The following STK25 variants were observed in gnomAD, a reference collection of about 807,000 sequenced individuals.
STK25 encodes serine/threonine kinase 25, also known as serine/threonine-protein kinase 25.
Under a neutral mutation model 53.8 loss-of-function variants are expected in STK25, and 29 were observed. The ratio of observed to expected loss-of-function variants is 0.54; its 90% CI spans 0.40 to 0.74. The LOEUF is 0.74. STK25 is among the 30% of genes least tolerant of loss of function. The pLI, the probability that STK25 is intolerant of heterozygous loss-of-function variation, is 0.00. For missense variants in STK25, 420 were observed against 568.0 expected (o/e 0.74, Z 2.65); for synonymous variants, 247 against 238.3 (o/e 1.04, Z -0.33).
Position 241,493,223 on chromosome 2 carries a change from G to A in STK25, c.*2439C>T. On this transcript the variant is annotated 3_prime_UTR_variant, in exon 12 of 12. Transcript: ENST00000316586. ...ATTTGTACGTGCCACCGTTGTGCAG[G>A]TAGCAGAGGAATGGGCATTCCCTGT... 3 of 1,534,174 alleles carry A rather than the reference G, an allele frequency of 2.0e-6. No individual in the cohort carries two copies. Among genetic ancestry groups the A allele is most frequent in the South Asian group, 1.1e-5 (1 of 87,430 alleles).
In STK25 at chr2:241,501,365, G is replaced by A; in HGVS notation, c.261+113C>T. 9.2e-7 allele frequency: 1 copy of A among 1,082,090 alleles called. No individual in the cohort carries two copies. The highest frequency in any genetic ancestry group is 1.4e-6 in the Non-Finnish European group (1 of 723,506). The allele number at this position is 1,082,090 out of a possible 1,614,324, so 67.0% of individuals were successfully genotyped here. Reference sequence around the variant, plus strand: ...CCCAGGGCAGTTTCCCGGAGGGCATGCACTGAACCGTCAAGACCGCCTTGC... The same window carrying A: ...CCCAGGGCAGTTTCCCGGAGGGCATACACTGAACCGTCAAGACCGCCTTGC... On this transcript the variant is annotated intron_variant, in intron 3 of 11. Transcript: ENST00000316586. The surrounding 1 kb of genome is among the most constrained non-coding windows in gnomAD (Gnocchi z 5.3).
intron 2 of STK25, among the ~76,000 whole-genome samples, chr2:241,502,804 C>CGTT (rs1429818109): frequency 2.0e-5 from 3 of 151,950 alleles, no homozygotes; most frequent in African/African-American, 7.2e-5. Context: ...ATGTGTTAAC[C>CGTT]AAGTTCTCCT....
At chr2:241,508,740 C>G (rs1574975349), upstream of STK25, 2 of 985,396 alleles carry the variant, frequency 2.0e-6, no homozygotes, top group Non-Finnish European at 2.4e-6. Flanking sequence ...CTCGCATGCG[C>G]GCCGCGAGGC....
Position 241,508,111 on chromosome 2 carries a change from A to C in STK25, c.-76T>G. 1 of 1,541,586 alleles carries C rather than the reference A, an allele frequency of 6.5e-7. No individual in the cohort carries two copies. Among genetic ancestry groups the C allele is most frequent in the Non-Finnish European group, 8.7e-7 (1 of 1,144,746 alleles). On this transcript the variant is annotated 5_prime_UTR_variant, in exon 2 of 12. Transcript: ENST00000316586. ...CCCGCGGAGAGGCGCGGAGCCGGCT[A>C]GCTCGCCCCTGCGGCGTCAGTCCAC...
Position 241,493,153 on chromosome 2 carries a change from C to A in STK25, c.*2509G>T, listed in dbSNP as rs954377435. 2 of 1,170,418 alleles carry A rather than the reference C, an allele frequency of 1.7e-6. No homozygotes were observed. Among genetic ancestry groups the A allele is most frequent in the African/African-American group, 1.5e-5 (1 of 66,138 alleles). The allele number at this position is 1,170,418 out of a possible 1,614,324, so 72.5% of individuals were successfully genotyped here. A position where few individuals can be genotyped will look rare whatever the true frequency, so the allele number is the denominator to read the frequency against. Reference sequence around the variant, plus strand: ...GCCCTCCCATGCTTTGCCCACACACCCTGTGCTGTGTGAACAGGGAAACTG... The same window carrying A: ...GCCCTCCCATGCTTTGCCCACACACACTGTGCTGTGTGAACAGGGAAACTG... On this transcript the variant is annotated 3_prime_UTR_variant, in exon 12 of 12. Transcript: ENST00000316586.
At chr2:241,505,552 T>C (rs2065773718) in intron 2 of STK25, among the ~76,000 whole-genome samples, 1 of 152,208 alleles carries the variant, frequency 6.6e-6, no homozygotes, top group African/African-American at 2.4e-5. Context: ...CTCTACTCCC[T>C]GCTCCCTGCT....
At chr2:241,505,278 C>G (rs1574963652) in intron 2 of STK25, among the ~76,000 whole-genome samples, 1 of 152,206 alleles carries the variant, frequency 6.6e-6, no homozygotes, top group East Asian at 1.9e-4. Flanking sequence ...CCCTGGGACG[C>G]TGCTCCACCG....
chr2:241,505,822 A>C (rs1691810305), intron 2 of STK25, among the ~76,000 whole-genome samples: 1 of 152,050 alleles, frequency 6.6e-6, no homozygotes, highest in South Asian at 2.1e-4. Flanking sequence ...CCTGGAGAAG[A>C]AAGGGTAAGT....
chr2:241,494,135 T>C lies in STK25; in HGVS notation c.*1527A>G. On this transcript the variant is annotated 3_prime_UTR_variant, in exon 12 of 12. Transcript: ENST00000316586. This position sits in a 1 kb window ranked among gnomAD's most constrained non-coding sequence, Gnocchi z 4.9. The stretch of plus-strand genomic sequence containing the variant: ...GGGGAAGGAGGAATGACGCTCAACC[T>C]GCCCAGGTTTGGACACAACTACAAA... The C allele has an allele frequency of 6.9e-7, 1 of 1,449,942 alleles. No homozygotes were observed. The highest frequency in any genetic ancestry group is 9.1e-7 in the Non-Finnish European group (1 of 1,095,968). The allele number at this position is 1,449,942 out of a possible 1,614,324, so 89.8% of individuals were successfully genotyped here.
rs1438352678 is a variant in STK25, at chr2:241,501,714, G to C, written c.31-6C>G. 4.4e-6 allele frequency: 7 copies of C among 1,608,896 alleles called. No homozygotes were observed. The highest frequency in any genetic ancestry group is 2.2e-5 in the South Asian group (2 of 90,998). ...TCAGGGTCCACTCGAGAGTGCTGTG[G>C]GGCCAGGGCGGGGACAGAGGGCAGA... On this transcript the variant is annotated splice_polypyrimidine_tract_variant and splice_region_variant and intron_variant, in intron 2 of 11. Coordinates refer to ENST00000316586, the MANE Select transcript of STK25 (RefSeq NM_001271977.2). The surrounding 1 kb of genome is among the most constrained non-coding windows in gnomAD (Gnocchi z 5.3).
chr2:241,504,100 G>C (rs888805407), intron 2 of STK25: 4 of 471,042 alleles, frequency 8.5e-6, no homozygotes, highest in Non-Finnish European at 1.8e-5. Context: ...TGGAACTCTG[G>C]GGAAGGAAAG....
In STK25 at chr2:241,495,332, C is replaced by T. The variant is rs544691818; in HGVS notation, c.*330G>A. 3.1e-5 allele frequency: 9 copies of T among 295,066 alleles called. No individual in the cohort carries two copies. The highest frequency in any genetic ancestry group is 1.1e-4 in the South Asian group (2 of 18,580). 18.3% of individuals were successfully genotyped at this position (295,066 alleles called of 1,614,324 possible). On this transcript the variant is annotated 3_prime_UTR_variant, in exon 12 of 12. Coordinates refer to ENST00000316586, the MANE Select transcript of STK25 (RefSeq NM_001271977.2). ...TAGTTGCTCTGCGCCTTGGTCTGAG[C>T]GGCCATAGGGCTGCATGAGTCTGCA...
chr2:241,493,249 G>A lies in STK25; in HGVS notation c.*2413C>T, dbSNP rs771864132. On this transcript the variant is annotated 3_prime_UTR_variant, in exon 12 of 12. Coordinates refer to ENST00000316586, the MANE Select transcript of STK25 (RefSeq NM_001271977.2). Reference sequence around the variant, plus strand: ...TAGCAGAGGAATGGGCATTCCCTGTGGCAACCCAGCCCCTGGAACCCGTGT... The same window carrying A: ...TAGCAGAGGAATGGGCATTCCCTGTAGCAACCCAGCCCCTGGAACCCGTGT... 4.4e-6 allele frequency: 7 copies of A among 1,602,462 alleles called. No individual in the cohort carries two copies. Among genetic ancestry groups the A allele is most frequent in the Non-Finnish European group, 6.0e-6 (7 of 1,172,164 alleles).
chr2:241,494,652 A>ACAAGT lies in STK25; in HGVS notation c.*1005_*1009dup, dbSNP rs1464194746. 3 of 152,128 alleles carry ACAAGT rather than the reference A, an allele frequency of 2.0e-5. No homozygotes were observed. Among genetic ancestry groups the ACAAGT allele is most frequent in the Non-Finnish European group, 4.4e-5 (3 of 68,040 alleles). The allele number at this position is 152,128 out of a possible 1,614,324, so 9.4% of individuals were successfully genotyped here. ...GGCCTGCCCTGCAGGTCACAGCTAA[A>ACAAGT]CAAGTCTGGCAGAAGCCACGCTTGT... On this transcript the variant is annotated 3_prime_UTR_variant, in exon 12 of 12. Transcript: ENST00000316586. The surrounding 1 kb of genome is among the most constrained non-coding windows in gnomAD (Gnocchi z 4.9).
chr2:241,495,510 G>C lies in STK25; in HGVS notation c.*152C>G. ...CACTGCAGGGGTGGAAGGAGACGGT[G>C]ACCTGGTGACCTGGCATGTGAGGCC... On this transcript the variant is annotated 3_prime_UTR_variant, in exon 12 of 12. Transcript: ENST00000316586. 1 of 741,862 alleles carries C rather than the reference G, an allele frequency of 1.3e-6. No homozygotes were observed. The allele number at this position is 741,862 out of a possible 1,614,324, so 46.0% of individuals were successfully genotyped here.
rs2065489144 is a variant in STK25 at position 241,501,201 on chromosome 2, CCCACTCA to C, written c.261+270_261+276del. ...CCACCAGCCACCTGCTCCTCACAGG[CCCACTCA>C]CCACTGCCAGTAGGGGCCCCCCAGA... On this transcript the variant is annotated intron_variant, in intron 3 of 11. Transcript: ENST00000316586. The surrounding 1 kb of genome is among the most constrained non-coding windows in gnomAD (Gnocchi z 5.3). 1 of 562,530 alleles carries C rather than the reference CCCACTCA, an allele frequency of 1.8e-6. No homozygotes were observed. The highest frequency in any genetic ancestry group is 1.9e-5 in the African/African-American group (1 of 53,230). 34.8% of individuals were successfully genotyped at this position (562,530 alleles called of 1,614,324 possible).
In STK25 at chr2:241,508,565, C is replaced by G; in HGVS notation, c.-223G>C. The G allele has an allele frequency of 2.0e-6, 2 of 991,844 alleles. No homozygotes were observed. Among genetic ancestry groups the G allele is most frequent in the Non-Finnish European group, 2.4e-6 (2 of 833,686 alleles). 61.4% of individuals were successfully genotyped at this position (991,844 alleles called of 1,614,324 possible). ...CCAGCCCGCGAAGCAACGGTGGTGG[C>G]GGCAGCGACCGGAGAAAGCCCGGAG... is the stretch of plus-strand genomic sequence containing the variant. On this transcript the variant is annotated 5_prime_UTR_variant, in exon 1 of 12. Coordinates refer to ENST00000316586, the MANE Select transcript of STK25 (RefSeq NM_001271977.2).
At position 241,493,779 on chromosome 2, in the gene STK25, T is replaced by C; in HGVS notation, c.*1883A>G. The stretch of plus-strand genomic sequence containing the variant: ...GCCTGGCTAATTTTTGTATTTTTAG[T>C]AGAGACAGGGTTTCACCATGTTGGC... On this transcript the variant is annotated 3_prime_UTR_variant, in exon 12 of 12. Transcript: ENST00000316586. The C allele has an allele frequency of 4.2e-6, 2 of 479,794 alleles. No homozygotes were observed. The highest frequency in any genetic ancestry group is 7.4e-6 in the Non-Finnish European group (2 of 269,800). The allele number at this position is 479,794 out of a possible 1,614,324, so 29.7% of individuals were successfully genotyped here. A position where few individuals can be genotyped will look rare whatever the true frequency, so the allele number is the denominator to read the frequency against.
chr2:241,501,211 A>C lies in STK25; in HGVS notation c.261+267T>G. On this transcript the variant is annotated intron_variant, in intron 3 of 11. Transcript: ENST00000316586. This position sits in a 1 kb window ranked among gnomAD's most constrained non-coding sequence, Gnocchi z 5.3. ...CCTGCTCCTCACAGGCCCACTCACC[A>C]CTGCCAGTAGGGGCCCCCCAGAGTG... 4 of 566,922 alleles carry C rather than the reference A, an allele frequency of 7.1e-6. No individual in the cohort carries two copies. The highest frequency in any genetic ancestry group is 1.3e-5 in the Non-Finnish European group (4 of 314,368). 35.1% of individuals were successfully genotyped at this position (566,922 alleles called of 1,614,324 possible). A position where few individuals can be genotyped will look rare whatever the true frequency, so the allele number is the denominator to read the frequency against.
Sources: allele counts gnomAD v4.1 joint callset (sites outside exome capture counted in the v4.1 genomes callset), GRCh38; gene constraint gnomAD v4.1.1; non-coding constraint Gnocchi (gnomAD v3.1); transcripts MANE v1.5; gene names NCBI Gene and HGNC (gene_info 2026-07-23, HGNC 2026-07-21).